Variants in ALG1 observed in about 807,000 individuals in gnomAD.
ALG1 encodes the protein chitobiosyldiphosphodolichol beta-mannosyltransferase.
ALG1 carries 58 observed loss-of-function variants against 55.1 expected under a neutral mutation model. The ratio of observed to expected loss-of-function variants is 1.05; its 90% CI spans 0.85 to 1.31. The LOEUF is 1.31. Ranked by LOEUF, ALG1 falls within the 50% of genes most tolerant of loss-of-function variation. The probability of loss-of-function intolerance (pLI) is 0.00; values close to 1 mark genes in which losing one functional copy is unlikely to be tolerated. For synonymous variants in ALG1, 309 were observed against 247.0 expected (o/e 1.25, Z -2.35); for missense variants, 761 against 598.6 (o/e 1.27, Z -2.83).
chr16:5,072,896 T>A (rs1209840537), intron 1 of ALG1, 55 bp from the exon 2 acceptor site: 3 of 1,511,332 alleles, frequency 2.0e-6, no homozygotes. Flanking sequence ...TGGGAGATTA[T>A]CTGACTTTAG....
At chr16:5,077,618 G>A (rs944586177) in intron 5 of ALG1, 84 bp downstream of exon 5, 37 of 1,387,882 alleles carry the variant, frequency 2.7e-5, no homozygotes, top group East Asian at 1.8e-4. Flanking sequence ...GCCTGCTGCC[G>A]TCCTGCTGAG....
chr16:5,080,862 T>C, intron 9 of ALG1, 84 bp from the exon 10 acceptor site: 2 of 1,541,732 alleles, frequency 1.3e-6, no homozygotes, highest in Non-Finnish European at 1.8e-6. Flanking sequence ...AAGGGATCCC[T>C]CCTAGGGGGG....
chr16:5,075,500 A>G lies in ALG1; in HGVS notation c.503A>G (p.His168Arg). The G allele has an allele frequency of 6.2e-7, 1 of 1,614,164 alleles. No homozygotes were observed. The highest frequency in any genetic ancestry group is 8.5e-7 in the Non-Finnish European group (1 of 1,180,034). Residue 168 changes from histidine to arginine, a missense_variant, in exon 4 of 13, where the codon CAT becomes CGT. By Grantham distance (29) the His-to-Arg change is conservative. Coordinates refer to ENST00000262374, the MANE Select transcript of ALG1 (RefSeq NM_019109.5). ...GGCTACTCCATCATGGGTCTGGTGCATGGCCCCAACCATCCCCTCGTTCTG... is the reference window on the plus strand; with the variant it reads ...GGCTACTCCATCATGGGTCTGGTGCGTGGCCCCAACCATCCCCTCGTTCTG... ...NYGYSIMGLVHGPNHPLVLLA... is the reference protein window; with the variant it reads ...NYGYSIMGLVRGPNHPLVLLA...
At chr16:5,074,468 C>T (rs189038955) in intron 3 of ALG1, among the ~76,000 whole-genome samples, 20 of 152,274 alleles carry the variant, frequency 1.3e-4, no homozygotes, top group Admixed American at 1.3e-3. Flanking sequence ...TTTTAATAGG[C>T]AGCCTTGAAT....
rs750976284 is a variant in ALG1, at chr16:5,073,237, G to A, written c.371G>A (p.Gly124Asp). Residue 124 changes from glycine to aspartate, a missense_variant, in exon 3 of 13, where the codon GGT becomes GAT. By Grantham distance (94) the Gly-to-Asp change is moderately conservative. Transcript: ENST00000262374. ...LLWKLMWREPGAYIFLQNPPG... is the reference protein window; with the variant it reads ...LLWKLMWREPDAYIFLQNPPG... ...TGGAAGTTGATGTGGAGGGAGCCAG[G>A]TGCCTATATCTTTCTCCAGGTGTGT... 1.2e-6 allele frequency: 2 copies of A among 1,614,144 alleles called. No homozygotes were observed. The highest frequency in any genetic ancestry group is 1.1e-5 in the South Asian group (1 of 91,074).
At chr16:5,080,693 C>T (rs1278531763) in intron 9 of ALG1, among the ~76,000 whole-genome samples, 4 of 152,232 alleles carry the variant, frequency 2.6e-5, no homozygotes, top group Non-Finnish European at 5.9e-5. Context: ...GTGCTTACCC[C>T]GCCATGTTTG....
intron 6 of ALG1, chr16:5,078,220 G>A: frequency 1.4e-6 from 1 of 727,698 alleles, no homozygotes; most frequent in Admixed American, 2.0e-5. Flanking sequence ...CCTTTGAGCT[G>A]CAATAGCAGA....
chr16:5,073,084 G>T (rs1956848017), intron 2 of ALG1, 56 bp downstream of exon 2: 1 of 1,611,656 alleles, frequency 6.2e-7, no homozygotes, highest in Middle Eastern at 1.7e-4. Context: ...GGCAGGGGGT[G>T]TTCGTTTGAA....
chr16:5,077,523 C>T lies in ALG1; in HGVS notation c.618C>T (p.Asn206=). Residue 206 remains asparagine (N), a synonymous_variant, in exon 5 of 13, where the codon AAC becomes AAT. Transcript: ENST00000262374. ...CTATGCGAGAAGACCTGGCGGATAA[C>T]TGGCACATCAGGTACCATGGCCTGG... ...TNAMREDLAD[N]WHIRAVTVYD... 6.2e-7 allele frequency: 1 copy of T among 1,614,224 alleles called. No individual in the cohort carries two copies. The highest frequency in any genetic ancestry group is 8.5e-7 in the Non-Finnish European group (1 of 1,180,022).
intron 1 of ALG1, among the ~76,000 whole-genome samples, chr16:5,072,702 G>A (rs999696605): frequency 1.3e-5 from 2 of 152,124 alleles, no homozygotes; most frequent in African/African-American, 4.8e-5. Flanking sequence ...GTTTAATTGA[G>A]CACCTACTGT....
intron 3 of ALG1, among the ~76,000 whole-genome samples, chr16:5,074,494 A>G (rs1347428739): frequency 6.6e-6 from 1 of 152,196 alleles, no homozygotes; most frequent in Non-Finnish European, 1.5e-5. Context: ...TATGTGATGT[A>G]CTATACTGCA....
Position 5,073,151 on chromosome 16 carries a change from A to G in ALG1, c.287-2A>G, listed in dbSNP as rs1171695124. 1 of 1,614,034 alleles carries G rather than the reference A, an allele frequency of 6.2e-7. No individual in the cohort carries two copies. The highest frequency in any genetic ancestry group is 1.3e-5 in the African/African-American group (1 of 74,914). On this transcript the variant is annotated splice_acceptor_variant, in intron 2 of 12. Transcript: ENST00000262374. LOFTEE classifies it high-confidence loss of function. ...TAGTCACAGGTGTTTTCTGACTTGC[A>G]GTTGGGCCCCGAGTTTTCCAGTACG...
chr16:5,072,326 G>A, intron 1 of ALG1: 2 of 1,306,960 alleles, frequency 1.5e-6, no homozygotes, highest in Non-Finnish European at 2.0e-6. Context: ...CAGGTGCGTG[G>A]AACTCCAGGG....
At position 5,084,839 on chromosome 16, in the gene ALG1, G is replaced by A. The variant is rs772562254; in HGVS notation, c.1353G>A (p.Glu451=). ...LRESQQLRWD[E]SWVQTVLPLV... is the part of the protein sequence containing the mutation. Reference sequence around the variant, plus strand: ...AGTCGCAGCAGCTCCGATGGGATGAGAGCTGGGTGCAGACTGTGCTCCCTT... The same window carrying A: ...AGTCGCAGCAGCTCCGATGGGATGAAAGCTGGGTGCAGACTGTGCTCCCTT... Residue 451 remains glutamate (E), a synonymous_variant, in exon 13 of 13, where the codon GAG becomes GAA. Coordinates refer to ENST00000262374, the MANE Select transcript of ALG1 (RefSeq NM_019109.5). 1.9e-5 allele frequency: 31 copies of A among 1,596,380 alleles called. No individual in the cohort carries two copies. The African/African-American group carries it at 2.4e-4, about 12-fold the overall frequency.
chr16:5,073,025 G>T lies in ALG1; in HGVS notation c.283G>T (p.Ala95Ser), dbSNP rs773349048. The change falls in exon 2 of 13, where the codon GCA becomes TCA. Residue 95 changes from alanine to serine, a missense_variant. Transcript: ENST00000262374. The stretch of plus-strand genomic sequence containing the variant: ...GGGGTTGACAGAACTTCAGAGTCTT[G>T]CAGGTAGGATGCCGTCAACTCCAGA... ...IVGLTELQSL[A>S]VGPRVFQYGV... 6.2e-7 allele frequency: 1 copy of T among 1,614,148 alleles called. No homozygotes were observed. The highest frequency in any genetic ancestry group is 8.5e-7 in the Non-Finnish European group (1 of 1,179,994).
rs762583437 is a variant in ALG1 at position 5,085,730 on chromosome 16, G to A, written c.*849G>A. On this transcript the variant is annotated 3_prime_UTR_variant, in exon 13 of 13. Transcript: ENST00000262374. ...TCCACTTCCCATCTGATCCCGGCCC[G>A]GCCTGGAAACAGAGCACATGTGTTT... 6.8e-6 allele frequency: 11 copies of A among 1,610,646 alleles called. No homozygotes were observed. Among genetic ancestry groups the A allele is most frequent in the South Asian group, 2.2e-5 (2 of 90,950 alleles).
In ALG1 at chr16:5,080,991, A is replaced by G; in HGVS notation, c.1007A>G (p.Lys336Arg). 6.3e-7 allele frequency: 1 copy of G among 1,596,004 alleles called. No individual in the cohort carries two copies. The highest frequency in any genetic ancestry group is 8.5e-7 in the Non-Finnish European group (1 of 1,179,596). Residue 336 changes from lysine (K) to arginine (R), a missense_variant, in exon 10 of 13, where the codon AAG becomes AGG. Coordinates refer to ENST00000262374, the MANE Select transcript of ALG1 (RefSeq NM_019109.5). ...REYYSRLIHQKHFQHIQVCTP... is the reference protein window; with the variant it reads ...REYYSRLIHQRHFQHIQVCTP... Reference sequence around the variant, plus strand: ...TATTATAGCCGCCTCATCCACCAGAAGCACTTCCAGCACATCCAGGTCTGC... The same window carrying G: ...TATTATAGCCGCCTCATCCACCAGAGGCACTTCCAGCACATCCAGGTCTGC...
intron 6 of ALG1, 110 bp from the exon 7 acceptor site, chr16:5,078,647 G>C: frequency 6.3e-7 from 1 of 1,599,478 alleles, no homozygotes; most frequent in Non-Finnish European, 8.5e-7. Flanking sequence ...TGATGTGGCT[G>C]GGCACCCCAA....
intron 3 of ALG1, among the ~76,000 whole-genome samples, chr16:5,073,745 G>A (rs1357069090): frequency 1.3e-5 from 2 of 152,200 alleles, no homozygotes; most frequent in South Asian, 2.1e-4. Flanking sequence ...ACAGAGTTTC[G>A]CTCTTGCCGC....
Sources: gnomAD v4.1 joint callset for allele counts (sites outside exome capture counted in the v4.1 genomes callset) on GRCh38, gnomAD v4.1.1 for gene constraint, MANE v1.5 for transcripts, NCBI Gene and HGNC (gene_info 2026-07-23, HGNC 2026-07-21) for gene names.